The following VPS50 variants were observed in gnomAD, a reference collection of about 807,000 sequenced individuals.
The protein encoded by VPS50 is VPS50 subunit of EARP/GARPII complex, also known as syndetin.
A neutral mutation model predicts 139.7 loss-of-function variants in VPS50; 70 were observed. The ratio of observed to expected loss-of-function variants is 0.50; its 90% CI spans 0.41 to 0.61. The LOEUF (loss-of-function observed/expected upper bound fraction) is 0.61, where lower values mean the gene tolerates loss of function less well. Ranked by LOEUF, VPS50 falls within the 20% of genes least tolerant of loss-of-function variation. The pLI, the probability that VPS50 is intolerant of heterozygous loss-of-function variation, is 0.00. For missense variants in VPS50, 921 were observed against 1,133.7 expected (o/e 0.81, Z 2.69); for synonymous variants, 365 against 376.7 (o/e 0.97, Z 0.36).
chr7:93,246,515 A>C (rs1278338126), intron 2 of VPS50, among the ~76,000 whole-genome samples: 2 of 151,902 alleles, frequency 1.3e-5, no homozygotes, highest in Non-Finnish European at 2.9e-5. Context: ...TGTTTGAATA[A>C]AAACTAGTAC....
chr7:93,305,804 T>C, intron 17 of VPS50, 24 bp from the exon 18 acceptor site: 1 of 1,597,616 alleles, frequency 6.3e-7, no homozygotes, highest in African/African-American at 1.3e-5. Flanking sequence ...CTAAAGGGTA[T>C]CTGGCTCCTT....
At chr7:93,344,485 T>C (rs1314226821) in intron 23 of VPS50, among the ~76,000 whole-genome samples, 1 of 152,184 alleles carries the variant, frequency 6.6e-6, no homozygotes, top group Non-Finnish European at 1.5e-5. Context: ...GCAGACCTAA[T>C]AGACATCTAC....
intron 20 of VPS50, among the ~76,000 whole-genome samples, chr7:93,315,758 T>A (rs926629902): frequency 6.6e-6 from 1 of 152,176 alleles, no homozygotes; most frequent in Non-Finnish European, 1.5e-5. Context: ...AAGGAAATTA[T>A]AGGTTTTAAT....
At chr7:93,352,782 T>A (rs1798595395) in intron 25 of VPS50, among the ~76,000 whole-genome samples, 1 of 152,154 alleles carries the variant, frequency 6.6e-6, no homozygotes, top group African/African-American at 2.4e-5. Context: ...ATTTTTAGTA[T>A]GATCATGTCA....
intron 12 of VPS50, among the ~76,000 whole-genome samples, chr7:93,276,593 T>A (rs961198012): frequency 1.3e-5 from 2 of 152,208 alleles, no homozygotes; most frequent in Non-Finnish European, 2.9e-5. Flanking sequence ...TTATCTCTTA[T>A]GAATGCATCC....
intron 22 of VPS50, among the ~76,000 whole-genome samples, chr7:93,338,698 T>C (rs1325708219): frequency 1.3e-5 from 2 of 152,200 alleles, no homozygotes; most frequent in African/African-American, 2.4e-5. Context: ...CATGGTAACA[T>C]GTTTATAGAC....
chr7:93,344,971 CTA>C (rs1189227384), intron 23 of VPS50, among the ~76,000 whole-genome samples: 1 of 152,026 alleles, frequency 6.6e-6, no homozygotes, highest in Non-Finnish European at 1.5e-5. Context: ...CAAGAAATAA[CTA>C]AAATCAGAGG....
In VPS50 at chr7:93,311,240, C is replaced by G; in HGVS notation, c.1823C>G (p.Thr608Arg). 7.5e-7 allele frequency: 1 copy of G among 1,333,462 alleles called. No individual in the cohort carries two copies. Among genetic ancestry groups the G allele is most frequent in the Non-Finnish European group, 1.1e-6 (1 of 924,290 alleles). The allele number at this position is 1,333,462 out of a possible 1,614,324, so 82.6% of individuals were successfully genotyped here. A position where few individuals can be genotyped will look rare whatever the true frequency, so the allele number is the denominator to read the frequency against. Residue 608 changes from threonine (T) to arginine (R), a missense_variant, in exon 20 of 28, where the codon ACA becomes AGA. Thr to Arg is a moderately conservative substitution (Grantham distance 71, BLOSUM62 -1). This residue lies in a region of VPS50 where 744 missense variants were observed against 930.6 expected (regional missense o/e 0.80). Coordinates refer to ENST00000305866, the MANE Select transcript of VPS50 (RefSeq NM_017667.4). Reference sequence around the variant, plus strand: ...AATAAAGTGAATGCACCTATCTTAACAAATACAACATTGAACGTCATAAGA... The same window carrying G: ...AATAAAGTGAATGCACCTATCTTAAGAAATACAACATTGAACGTCATAAGA... Reference protein sequence around the residue: ...SLNKVNAPILTNTTLNVIRLV... With the variant: ...SLNKVNAPILRNTTLNVIRLV...
At position 93,291,870 on chromosome 7, in the gene VPS50, A is replaced by G. The variant is rs780900374; in HGVS notation, c.1075+35A>G. On this transcript the variant is annotated intron_variant, in intron 13 of 27. Coordinates refer to ENST00000305866, the MANE Select transcript of VPS50 (RefSeq NM_017667.4). ...TATTTTTATTTTATTTTAAAAATTG[A>G]ACTATAAATATCCCACATTACTGGA... is the stretch of plus-strand genomic sequence containing the variant. 9 of 1,412,624 alleles carry G rather than the reference A, an allele frequency of 6.4e-6. No individual in the cohort carries two copies. In the Admixed American group the frequency reaches 1.3e-4, roughly 20 times the overall value. 87.5% of individuals were successfully genotyped at this position (1,412,624 alleles called of 1,614,324 possible).
intron 21 of VPS50, among the ~76,000 whole-genome samples, chr7:93,328,312 A>G (rs1797841405): frequency 6.6e-6 from 1 of 152,208 alleles, no homozygotes; most frequent in Non-Finnish European, 1.5e-5. Flanking sequence ...GGATTGATCT[A>G]ATTATTTGCC....
chr7:93,338,844 A>G (rs1798136040), intron 22 of VPS50, among the ~76,000 whole-genome samples: 1 of 152,196 alleles, frequency 6.6e-6, no homozygotes, highest in Non-Finnish European at 1.5e-5. Flanking sequence ...GAAATAGGAG[A>G]TGCTAGAGAC....
intron 20 of VPS50, among the ~76,000 whole-genome samples, chr7:93,312,781 G>A (rs969833592): frequency 9.9e-5 from 15 of 151,114 alleles, no homozygotes; most frequent in Non-Finnish European, 1.8e-4. Context: ...TTCTCATACC[G>A]ACCACCCCAC....
chr7:93,257,590 G>T, intron 6 of VPS50, 126 bp downstream of exon 6: 1 of 582,668 alleles, frequency 1.7e-6, no homozygotes, highest in East Asian at 3.0e-5. Flanking sequence ...TTCCTTAAGT[G>T]AACATATATC....
At chr7:93,245,899 G>C (rs1228536372) in intron 2 of VPS50, among the ~76,000 whole-genome samples, 1 of 151,744 alleles carries the variant, frequency 6.6e-6, no homozygotes, top group African/African-American at 2.4e-5. Context: ...ATAAACTTAC[G>C]TGGCATGTGG....
chr7:93,310,166 T>C (rs887134389), intron 19 of VPS50, among the ~76,000 whole-genome samples: 6 of 152,048 alleles, frequency 3.9e-5, no homozygotes, highest in Non-Finnish European at 7.4e-5. Flanking sequence ...AGTAAGATAG[T>C]GTCTGCCAGT....
intron 21 of VPS50, among the ~76,000 whole-genome samples, chr7:93,326,764 TATA>T (rs1345002307): frequency 2.6e-5 from 4 of 152,068 alleles, no homozygotes; most frequent in South Asian, 4.1e-4. Context: ...GTCCTATGAA[TATA>T]ATACTACTTA....
At position 93,350,042 on chromosome 7, in the gene VPS50, T is replaced by C; in HGVS notation, c.2463+9T>C. The C allele has an allele frequency of 6.2e-7, 1 of 1,605,148 alleles. No individual in the cohort carries two copies. Among genetic ancestry groups the C allele is most frequent in the Non-Finnish European group, 8.5e-7 (1 of 1,173,904 alleles). On this transcript the variant is annotated intron_variant, in intron 25 of 27. Coordinates refer to ENST00000305866, the MANE Select transcript of VPS50 (RefSeq NM_017667.4). ...TAGATGCACTATTAAAGGCAAGTGTTCTGGGAAGCACCTGTGCTAAAGATC... is the reference window on the plus strand; with the variant it reads ...TAGATGCACTATTAAAGGCAAGTGTCCTGGGAAGCACCTGTGCTAAAGATC...
chr7:93,353,812 A>G (rs1562902624), intron 26 of VPS50, 51 bp downstream of exon 26: 2 of 1,379,124 alleles, frequency 1.5e-6, no homozygotes, highest in African/African-American at 1.4e-5. Flanking sequence ...AAATTGTAAT[A>G]TATGAATAAC....
At chr7:93,250,595 A>G (rs1795292948) in intron 2 of VPS50, among the ~76,000 whole-genome samples, 1 of 152,126 alleles carries the variant, frequency 6.6e-6, no homozygotes, top group South Asian at 2.1e-4. Context: ...AAAACCCTAG[A>G]AGAAAACCTA....
Sources: gnomAD v4.1 joint callset for allele counts (sites outside exome capture counted in the v4.1 genomes callset) on GRCh38, gnomAD v4.1.1 for gene constraint, gnomAD v4.1.1 regional missense constraint, MANE v1.5 for transcripts, NCBI Gene and HGNC (gene_info 2026-07-23, HGNC 2026-07-21) for gene names.